ADGRG6: variants seen among roughly 807,000 people sequenced by gnomAD.
The protein encoded by ADGRG6 is G-protein coupled receptor 126.
In ADGRG6, 84 loss-of-function variants were observed where a neutral mutation model predicts 142.4. The observed-to-expected ratio is 0.59, with a 90% confidence interval of 0.49 to 0.71. The LOEUF (loss-of-function observed/expected upper bound fraction) is 0.71, where lower values mean the gene tolerates loss of function less well. Ranked by LOEUF, ADGRG6 falls within the 30% of genes least tolerant of loss-of-function variation. The probability of loss-of-function intolerance (pLI) is 0.00; values close to 1 mark genes in which losing one functional copy is unlikely to be tolerated. For missense variants in ADGRG6, 1,367 were observed against 1,466.6 expected (o/e 0.93, Z 1.11); for synonymous variants, 521 against 520.5 (o/e 1.00, Z -0.01).
intron 15 of ADGRG6, 72 bp from the exon 16 acceptor site, chr6:142,408,078 T>C: frequency 8.6e-7 from 1 of 1,158,550 alleles, no homozygotes; most frequent in Middle Eastern, 2.6e-4. Context: ...GACAGTTTGC[T>C]TATTTTGGAG....
At chr6:142,326,437 A>G (rs1442733056) in intron 2 of ADGRG6, among the ~76,000 whole-genome samples, 1 of 152,134 alleles carries the variant, frequency 6.6e-6, no homozygotes, top group African/African-American at 2.4e-5. Flanking sequence ...AGAATTTTAG[A>G]AAGATAATTG....
chr6:142,345,004 G>A (rs1440956117), intron 2 of ADGRG6, among the ~76,000 whole-genome samples: 1 of 152,012 alleles, frequency 6.6e-6, no homozygotes, highest in East Asian at 1.9e-4. Context: ...GGGACATAAG[G>A]AGAATTAGGA....
intron 2 of ADGRG6, among the ~76,000 whole-genome samples, chr6:142,358,094 T>G (rs1274082484): frequency 6.6e-6 from 1 of 152,220 alleles, no homozygotes; most frequent in Non-Finnish European, 1.5e-5. Context: ...TCATGGGTAT[T>G]AGAACTATAA....
chr6:142,426,893 C>T (rs190588531), intron 22 of ADGRG6, among the ~76,000 whole-genome samples: 245 of 152,320 alleles, frequency 1.6e-3, no homozygotes, highest in African/African-American at 5.8e-3. Flanking sequence ...ACCTTGGACT[C>T]TTAGTGGCAG....
At position 142,335,164 on chromosome 6, in the gene ADGRG6, A is replaced by G. The variant is rs531065933; in HGVS notation, c.103+25520A>G. Among the ~76,000 whole-genome samples, 3 of 152,320 alleles carry G rather than the reference A, an allele frequency of 2.0e-5. No individual in the cohort carries two copies. In the East Asian group the frequency reaches 5.8e-4, roughly 29 times the overall value. On this transcript the variant is annotated intron_variant, in intron 2 of 24. Transcript: ENST00000367609. ...TCGGAGGATAGTATTGAGAACCAAG[A>G]GATCAGAAATAGTGTTAAGTCATGG...
intron 6 of ADGRG6, among the ~76,000 whole-genome samples, chr6:142,386,518 G>A (rs1782032513): frequency 6.6e-6 from 1 of 152,162 alleles, no homozygotes; most frequent in South Asian, 2.1e-4. Flanking sequence ...CTTAGTGGCG[G>A]TGGTGGGTTA....
At chr6:142,416,102 T>C (rs1183878425) in intron 20 of ADGRG6, 38 bp downstream of exon 20, 1 of 1,491,714 alleles carries the variant, frequency 6.7e-7, no homozygotes, top group Admixed American at 1.9e-5. Context: ...TGTTTTTCCC[T>C]CATGAAAATT....
At chr6:142,333,382 T>C (rs2114675556) in intron 2 of ADGRG6, among the ~76,000 whole-genome samples, 2 of 152,330 alleles carry the variant, frequency 1.3e-5, no homozygotes, top group Admixed American at 1.3e-4. Flanking sequence ...AGTTTACATA[T>C]AACATTAGGA....
intron 10 of ADGRG6, 41 bp downstream of exon 10, chr6:142,397,796 T>C: frequency 1.5e-6 from 2 of 1,294,294 alleles, no homozygotes; most frequent in Non-Finnish European, 2.1e-6. Context: ...TTTATACAAC[T>C]GTATATTCAG....
At chr6:142,308,993 T>C (rs888254459) in intron 1 of ADGRG6, among the ~76,000 whole-genome samples, 1 of 151,890 alleles carries the variant, frequency 6.6e-6, no homozygotes, top group African/African-American at 2.4e-5. Flanking sequence ...AGCTATTTTA[T>C]ATATAAAGAC....
chr6:142,352,896 A>C (rs755682131), intron 2 of ADGRG6, among the ~76,000 whole-genome samples: 1 of 152,176 alleles, frequency 6.6e-6, no homozygotes, highest in Non-Finnish European at 1.5e-5. Flanking sequence ...AATTAGATGA[A>C]GTGTGCCAAG....
intron 16 of ADGRG6, 69 bp downstream of exon 16, chr6:142,408,338 T>C (rs917005604): frequency 1.8e-5 from 22 of 1,213,936 alleles, no homozygotes; most frequent in Admixed American, 1.1e-4. Flanking sequence ...GGCCTTTTTT[T>C]CTACATGTTA....
At chr6:142,430,585 A>G (rs1777162859) in intron 22 of ADGRG6, among the ~76,000 whole-genome samples, 1 of 152,216 alleles carries the variant, frequency 6.6e-6, no homozygotes, top group African/African-American at 2.4e-5. Flanking sequence ...GTGGGAGCCA[A>G]ATTTCTAGCC....
intron 11 of ADGRG6, among the ~76,000 whole-genome samples, chr6:142,401,622 T>G (rs1026831918): frequency 1.3e-5 from 2 of 152,062 alleles, no homozygotes; most frequent in Non-Finnish European, 2.9e-5. Flanking sequence ...AGTTCTAATA[T>G]CATTTATAGG....
chr6:142,387,495 A>C (rs1459997316), intron 6 of ADGRG6, among the ~76,000 whole-genome samples: 1 of 152,228 alleles, frequency 6.6e-6, no homozygotes, highest in Non-Finnish European at 1.5e-5. Context: ...TTGTGTATGT[A>C]GGAGCTGCAG....
chr6:142,313,747 T>C (rs781781789), intron 2 of ADGRG6, among the ~76,000 whole-genome samples: 4 of 152,206 alleles, frequency 2.6e-5, no homozygotes, highest in Non-Finnish European at 5.9e-5. Context: ...GTAGTATGTG[T>C]TAATTTTTCT....
intron 2 of ADGRG6, among the ~76,000 whole-genome samples, chr6:142,315,731 T>G (rs2114553784): frequency 6.6e-6 from 1 of 152,050 alleles, no homozygotes; most frequent in East Asian, 1.9e-4. Context: ...CTCGGGAGGC[T>G]GAGGCAGGAG....
In ADGRG6 at chr6:142,444,842, T is replaced by C. The variant is rs951873378; in HGVS notation, c.*1327T>C. 7 of 152,220 alleles carry C rather than the reference T, an allele frequency of 4.6e-5. No homozygotes were observed. The highest frequency in any genetic ancestry group is 1.7e-4 in the African/African-American group (7 of 41,462). The allele number at this position is 152,220 out of a possible 1,614,324, so 9.4% of individuals were successfully genotyped here. On this transcript the variant is annotated 3_prime_UTR_variant, in exon 25 of 25. Coordinates refer to ENST00000367609, the MANE Select transcript of ADGRG6 (RefSeq NM_198569.3). ...GCAGTTTCTTAGAAATCGGTCTCAGTGCATGCTGTGCTTTTTCACATTTGC... is the reference window on the plus strand; with the variant it reads ...GCAGTTTCTTAGAAATCGGTCTCAGCGCATGCTGTGCTTTTTCACATTTGC...
At position 142,438,376 on chromosome 6, in the gene ADGRG6, G is replaced by A; in HGVS notation, c.3574+12G>A. ...GAATAGCCACACAGGTGAGTCTAAAGATGTCCTCAAGTTTAGTTCTCATCA... is the reference window on the plus strand; with the variant it reads ...GAATAGCCACACAGGTGAGTCTAAAAATGTCCTCAAGTTTAGTTCTCATCA... On this transcript the variant is annotated intron_variant, in intron 24 of 24. Transcript: ENST00000367609. 6.4e-7 allele frequency: 1 copy of A among 1,567,758 alleles called. No individual in the cohort carries two copies. Among genetic ancestry groups the A allele is most frequent in the East Asian group, 2.3e-5 (1 of 43,442 alleles).
Sources: allele counts gnomAD v4.1 joint callset (sites outside exome capture counted in the v4.1 genomes callset), GRCh38; gene constraint gnomAD v4.1.1; transcripts MANE v1.5; gene names NCBI Gene and HGNC (gene_info 2026-07-23, HGNC 2026-07-21).